The following LRRN2 variants were observed in gnomAD, a reference collection of about 807,000 sequenced individuals.
LRRN2 encodes the protein leucine-rich repeat neuronal protein 2.
In LRRN2, 10 loss-of-function variants were observed where a neutral mutation model predicts 35.7. The ratio of observed to expected loss-of-function variants is 0.28; its 90% CI spans 0.17 to 0.47. The LOEUF is 0.47. Among genes scored for constraint, LRRN2 ranks in the 20% least tolerant of loss-of-function variants. The pLI is 0.99. For synonymous variants in LRRN2, 391 were observed against 409.6 expected, an observed-to-expected ratio of 0.95 and a Z score of 0.55; for missense variants, 731 against 940.3, an observed-to-expected ratio of 0.78 and a Z score of 2.91.
chr1:204,663,350 C>T (rs1262654055), intron 1 of LRRN2, among the ~76,000 whole-genome samples: 5 of 152,238 alleles, frequency 3.3e-5, no homozygotes, highest in South Asian at 2.1e-4. Flanking sequence ...TTGACTTGGC[C>T]GGAAAGGAGT....
intron 1 of LRRN2, chr1:204,626,883 T>A (rs1266104447): frequency 6.6e-6 from 1 of 152,208 alleles, no homozygotes; most frequent in Non-Finnish European, 1.5e-5. Flanking sequence ...TGTTTTGAGA[T>A]GCTGCCCCCT....
intron 1 of LRRN2, among the ~76,000 whole-genome samples, chr1:204,669,756 G>A: frequency 6.6e-6 from 1 of 152,158 alleles, no homozygotes; most frequent in Non-Finnish European, 1.5e-5. Flanking sequence ...GCTGAAAAAG[G>A]CCAGGGTGCA....
chr1:204,648,047 G>GA (rs1668148034), intron 1 of LRRN2, among the ~76,000 whole-genome samples: 1 of 152,142 alleles, frequency 6.6e-6, no homozygotes, highest in South Asian at 2.1e-4. Flanking sequence ...GGATTAGAAA[G>GA]ACTTAGGTTC....
At chr1:204,653,326 G>C (rs1325428812) in intron 1 of LRRN2, among the ~76,000 whole-genome samples, 1 of 152,168 alleles carries the variant, frequency 6.6e-6, no homozygotes, top group Non-Finnish European at 1.5e-5. Flanking sequence ...ACCCCAGGTT[G>C]GGAAACCGTG....
chr1:204,631,661 T>C (rs1279334183), intron 1 of LRRN2, among the ~76,000 whole-genome samples: 1 of 151,938 alleles, frequency 6.6e-6, no homozygotes, highest in Non-Finnish European at 1.5e-5. Flanking sequence ...TGGCTGAATT[T>C]GATGGTATGC....
In LRRN2 at chr1:204,618,611, G is replaced by A; in HGVS notation, c.1382C>T (p.Ala461Val). 1 of 1,613,828 alleles carries A rather than the reference G, an allele frequency of 6.2e-7. No homozygotes were observed. Among genetic ancestry groups the A allele is most frequent in the Non-Finnish European group, 8.5e-7 (1 of 1,179,940 alleles). The change falls in exon 2 of 2, where the codon GCT (alanine) becomes GTT (valine). Residue 461 changes from alanine to valine, a missense_variant. Around this residue, in one of 3 missense-constraint regions of LRRN2, gnomAD observed 256 missense variants for 392.4 expected, o/e 0.65. Transcript: ENST00000367177. ...PEPEIYWVTPAGLRLTPAHAG... is the reference protein window; with the variant it reads ...PEPEIYWVTPVGLRLTPAHAG... ...ATGGGCAGGTGTCAGTCGAAGCCCAGCTGGAGTGACCCAGTAGATCTCGGG... is the reference window on the plus strand; with the variant it reads ...ATGGGCAGGTGTCAGTCGAAGCCCAACTGGAGTGACCCAGTAGATCTCGGG...
At position 204,643,063 on chromosome 1, in the gene LRRN2, TCA is replaced by T. The variant is rs574412602; in HGVS notation, c.-226-22847_-226-22846del. 2.4e-3 allele frequency among the ~76,000 whole-genome samples: 363 copies of T among 152,282 alleles called. 2 individuals carry two copies. The highest frequency in any genetic ancestry group is 8.1e-3 in the African/African-American group (335 of 41,556). ...TAAACAGACAGATAACCCAAAGCTCTCACTTTGGTCAGTGCTTCAACCTCCCC... is the reference window on the plus strand; with the variant it reads ...TAAACAGACAGATAACCCAAAGCTCTCTTTGGTCAGTGCTTCAACCTCCCC... On this transcript the variant is annotated intron_variant, in intron 1 of 1. Coordinates refer to ENST00000367177, the MANE Select transcript of LRRN2 (RefSeq NM_201630.2).
chr1:204,664,635 C>T (rs1440567499), intron 1 of LRRN2: 1 of 152,248 alleles, frequency 6.6e-6, no homozygotes, highest in African/African-American at 2.4e-5. Context: ...GTGATTCCTT[C>T]TGAGCACAGA....
At chr1:204,684,197 A>T (rs1456770821) in intron 1 of LRRN2, among the ~76,000 whole-genome samples, 1 of 152,082 alleles carries the variant, frequency 6.6e-6, no homozygotes, top group Non-Finnish European at 1.5e-5. Context: ...GCCCTGACCT[A>T]GGGAGGCTGT....
chr1:204,646,614 G>T (rs1438035936), intron 1 of LRRN2, among the ~76,000 whole-genome samples: 1 of 152,114 alleles, frequency 6.6e-6, no homozygotes, highest in East Asian at 1.9e-4. Context: ...AGATTCATGG[G>T]CCAGTCCAAA....
Position 204,619,012 on chromosome 1 carries a change from G to A in LRRN2, c.981C>T (p.His327=), listed in dbSNP as rs3747630. 385,731 of 1,610,522 alleles carry A rather than the reference G, an allele frequency of 0.24. 48,142 individuals are homozygous for A. Among genetic ancestry groups the A allele is most frequent in the East Asian group, 0.36 (16,084 of 44,778 alleles). Residue 327 remains histidine (H), a synonymous_variant, in exon 2 of 2, where the codon CAC becomes CAT. Coordinates refer to ENST00000367177, the MANE Select transcript of LRRN2 (RefSeq NM_201630.2). ...GGGGCAGGTGGTGGAAGGCGCGGGGGTGGATGAAGGACAGCCGTGGGTTAT... is the reference window on the plus strand; with the variant it reads ...GGGGCAGGTGGTGGAAGGCGCGGGGATGGATGAAGGACAGCCGTGGGTTAT... ...ITNNPRLSFI[H]PRAFHHLPQM...
chr1:204,673,629 A>T (rs1668756460), intron 1 of LRRN2, among the ~76,000 whole-genome samples: 3 of 152,214 alleles, frequency 2.0e-5, no homozygotes, highest in Non-Finnish European at 4.4e-5. Context: ...GAGGCAGCAA[A>T]GTTGTATGCA....
chr1:204,635,704 G>C (rs993323485), intron 1 of LRRN2, among the ~76,000 whole-genome samples: 1 of 152,202 alleles, frequency 6.6e-6, no homozygotes, highest in African/African-American at 2.4e-5. Flanking sequence ...AAGTGCAGTG[G>C]AAAAGGGCAG....
At chr1:204,668,904 G>A (rs373787695) in intron 1 of LRRN2, among the ~76,000 whole-genome samples, 1 of 152,172 alleles carries the variant, frequency 6.6e-6, no homozygotes. Context: ...GCTCACTGTA[G>A]CCTTGACTTC....
Position 204,634,469 on chromosome 1 carries a change from G to T in LRRN2, c.-226-14251C>A, listed in dbSNP as rs143765208. ...ATAAACATGACCTTATTTGGAAATA[G>T]GGTCTGAAGATGTAATCATCTGATG... On this transcript the variant is annotated intron_variant, in intron 1 of 1. Transcript: ENST00000367177. 1.0e-3 allele frequency among the ~76,000 whole-genome samples: 157 copies of T among 152,332 alleles called. 1 individual carries two copies. In the East Asian group the frequency reaches 0.021, roughly 20 times the overall value.
chr1:204,617,995 A>G lies in LRRN2; in HGVS notation c.1998T>C (p.Pro666=), dbSNP rs996140532. 1 of 1,613,190 alleles carries G rather than the reference A, an allele frequency of 6.2e-7. No homozygotes were observed. The highest frequency in any genetic ancestry group is 8.5e-7 in the Non-Finnish European group (1 of 1,179,674). The change falls in exon 2 of 2, where the codon CCT becomes CCC. Residue 666 remains proline (P), a synonymous_variant. Transcript: ENST00000367177. ...TCCAGCCCCAGAAAGCCCAGGCTGG[A>G]GGGAGAGGCCGCCTCCCACCCACAC... ...RKGVGGRRPL[P]PAWAFWGWSA...
Position 204,619,880 on chromosome 1 carries a change from C to T in LRRN2, c.113G>A (p.Arg38Gln), listed in dbSNP as rs776647479. 1.1e-5 allele frequency: 17 copies of T among 1,613,702 alleles called. No individual in the cohort carries two copies. The highest frequency in any genetic ancestry group is 1.6e-4 in the Middle Eastern group (1 of 6,062). Residue 38 changes from arginine to glutamine, a missense_variant, in exon 2 of 2, where the codon CGG (arginine) becomes CAG (glutamine). Arg to Gln is a conservative substitution (Grantham distance 43, BLOSUM62 1). This residue lies in a region of LRRN2 where 246 missense variants were observed against 289.5 expected (regional missense o/e 0.85). Coordinates refer to ENST00000367177, the MANE Select transcript of LRRN2 (RefSeq NM_201630.2). Reference protein sequence around the residue: ...PCPPQCACQIRPWYTPRSSYR... With the variant: ...PCPPQCACQIQPWYTPRSSYR... ...GGACGAGCGGGGCGTATACCAGGGC[C>T]GGATCTGGCAGGCACACTGAGGGGG...
Position 204,648,238 on chromosome 1 carries a change from G to A in LRRN2, c.-226-28020C>T, listed in dbSNP as rs1420669726. 6.6e-5 allele frequency among the ~76,000 whole-genome samples: 10 copies of A among 152,300 alleles called. No homozygotes were observed. The South Asian group carries it at 2.1e-3, about 32-fold the overall frequency. ...ATGTGAAGAGGAAAATGTCAGAGAG[G>A]TGCAGCCAACTGCACCTTCCCACAG... On this transcript the variant is annotated intron_variant, in intron 1 of 1. Transcript: ENST00000367177.
chr1:204,679,979 G>A (rs1178899201), intron 1 of LRRN2, among the ~76,000 whole-genome samples: 1 of 152,220 alleles, frequency 6.6e-6, no homozygotes, highest in Non-Finnish European at 1.5e-5. Flanking sequence ...TTCCTGGAGG[G>A]AGGGAAGGAG....
Sources: gnomAD v4.1 joint callset for allele counts (sites outside exome capture counted in the v4.1 genomes callset) on GRCh38, gnomAD v4.1.1 for gene constraint, gnomAD v4.1.1 regional missense constraint, MANE v1.5 for transcripts, NCBI Gene and HGNC (gene_info 2026-07-23, HGNC 2026-07-21) for gene names.